The following FAM193A variants were observed in gnomAD, a reference collection of about 807,000 sequenced individuals.
The protein encoded by FAM193A is protein FAM193A.
In FAM193A, 22 loss-of-function variants were observed where a neutral mutation model predicts 126.5. The ratio of observed to expected loss-of-function variants is 0.17; its 90% CI spans 0.12 to 0.25. The LOEUF (loss-of-function observed/expected upper bound fraction) is 0.25, where lower values mean the gene tolerates loss of function less well. Ranked by LOEUF, FAM193A falls within the 10% of genes least tolerant of loss-of-function variation. The probability of loss-of-function intolerance (pLI) is 1.00; values close to 1 mark genes in which losing one functional copy is unlikely to be tolerated. For missense variants in FAM193A, 1,675 were observed against 1,672.8 expected, an observed-to-expected ratio of 1.00 and a Z score of -0.02; for synonymous variants, 761 against 646.8, an observed-to-expected ratio of 1.18 and a Z score of -2.68.
chr4:2,669,226 C>A (rs1256632480), intron 12 of FAM193A, among the ~76,000 whole-genome samples: 4 of 152,212 alleles, frequency 2.6e-5, no homozygotes, highest in Admixed American at 2.6e-4. Flanking sequence ...ATTTAAGTTA[C>A]CGTCTTGTTT....
At chr4:2,567,263 G>A (rs921008783) in intron 1 of FAM193A, among the ~76,000 whole-genome samples, 1 of 150,664 alleles carries the variant, frequency 6.6e-6, no homozygotes, top group South Asian at 2.1e-4. Flanking sequence ...CACCACGCCC[G>A]GCCTGACTAG....
At chr4:2,641,800 A>T (rs1294101394) in intron 6 of FAM193A, among the ~76,000 whole-genome samples, 1 of 152,030 alleles carries the variant, frequency 6.6e-6, no homozygotes, top group Non-Finnish European at 1.5e-5. Flanking sequence ...GGTAAAAGAG[A>T]ATTGAGGACA....
chr4:2,584,565 T>C (rs1740128301), intron 1 of FAM193A, among the ~76,000 whole-genome samples: 1 of 152,122 alleles, frequency 6.6e-6, no homozygotes. Flanking sequence ...AATAGAACAT[T>C]ACCAGGACTC....
At chr4:2,626,657 T>C in intron 4 of FAM193A, 80 bp downstream of exon 4, 1 of 646,056 alleles carries the variant, frequency 1.5e-6, no homozygotes, top group African/African-American at 1.8e-5. Flanking sequence ...CCTTTCAGGA[T>C]GGGCTTTCCT....
intron 3 of FAM193A, among the ~76,000 whole-genome samples, chr4:2,625,905 A>G (rs1380274376): frequency 2.0e-5 from 3 of 151,728 alleles, no homozygotes; most frequent in Non-Finnish European, 2.9e-5. Flanking sequence ...TGTATATTTT[A>G]TAGAGATGGG....
chr4:2,698,801 T>A (rs572216807), intron 18 of FAM193A, among the ~76,000 whole-genome samples: 4 of 152,346 alleles, frequency 2.6e-5, no homozygotes, highest in Admixed American at 2.6e-4. Context: ...AAATGCTGTC[T>A]TTACTTGGGA....
intron 5 of FAM193A, among the ~76,000 whole-genome samples, chr4:2,635,326 A>T (rs1743982020): frequency 6.6e-6 from 1 of 152,208 alleles, no homozygotes; most frequent in South Asian, 2.1e-4. Context: ...TATACTTAAA[A>T]ATTTAGGACC....
At chr4:2,607,339 T>C (rs71608215) in intron 2 of FAM193A, among the ~76,000 whole-genome samples, 4,856 of 152,318 alleles carry the variant, frequency 0.032, 92 homozygotes, top group South Asian at 0.078. Context: ...GTCCTTGCAT[T>C]GGTGTTTCAC....
intron 7 of FAM193A, among the ~76,000 whole-genome samples, chr4:2,651,984 C>T (rs921413529): frequency 1.3e-5 from 2 of 152,172 alleles, no homozygotes; most frequent in African/African-American, 4.8e-5. Context: ...ATGAGTTCCC[C>T]ATGATAGGGA....
chr4:2,547,089 A>T (rs1737608252), intron 1 of FAM193A, among the ~76,000 whole-genome samples: 1 of 152,082 alleles, frequency 6.6e-6, no homozygotes, highest in South Asian at 2.1e-4. Flanking sequence ...ACTGTTTTTT[A>T]AAAAACCCTT....
At position 2,631,170 on chromosome 4, in the gene FAM193A, G is replaced by A; in HGVS notation, c.1038+1G>A. On this transcript the variant is annotated splice_donor_variant, in intron 5 of 20. Transcript: ENST00000637812. LOFTEE classifies it high-confidence loss of function. ...CATCAGCACCTTCCTTGGCACTCTG[G>A]TAAGAGAGAAAACGTGTTTTTCTTT... 6.3e-7 allele frequency: 1 copy of A among 1,597,054 alleles called. No homozygotes were observed. Among genetic ancestry groups the A allele is most frequent in the Non-Finnish European group, 8.5e-7 (1 of 1,170,358 alleles).
At chr4:2,679,146 G>A (rs1417274098) in intron 13 of FAM193A, among the ~76,000 whole-genome samples, 1 of 152,096 alleles carries the variant, frequency 6.6e-6, no homozygotes, top group South Asian at 2.1e-4. Context: ...TTTGTCACAT[G>A]CTTTTTCTGC....
At chr4:2,719,955 A>G (rs58338325) in intron 20 of FAM193A, 13,253 of 307,644 alleles carry the variant, frequency 0.043, 562 homozygotes, top group African/African-American at 0.14. Context: ...ATGCCTGGCT[A>G]ATTTTTTTTT....
At chr4:2,723,097 C>T (rs1485086841) in intron 20 of FAM193A, among the ~76,000 whole-genome samples, 1 of 151,504 alleles carries the variant, frequency 6.6e-6, no homozygotes, top group Non-Finnish European at 1.5e-5. Context: ...CACGGTGAAA[C>T]CCCACCTCTA....
chr4:2,606,592 T>C (rs61790222), intron 2 of FAM193A, among the ~76,000 whole-genome samples: 149,220 of 152,328 alleles, frequency 0.98, 73,242 homozygotes, highest in Middle Eastern at 1. Context: ...TACACTGTTA[T>C]GTGAAAGTCC....
At chr4:2,700,907 G>C (rs1717649692) in intron 19 of FAM193A, among the ~76,000 whole-genome samples, 1 of 152,194 alleles carries the variant, frequency 6.6e-6, no homozygotes, top group Non-Finnish European at 1.5e-5. Context: ...AGAGATTGCA[G>C]TGAGCCAAGA....
At chr4:2,659,523 C>G (rs1372820535) in intron 8 of FAM193A, 35 bp from the exon 9 acceptor site, 1 of 1,439,596 alleles carries the variant, frequency 6.9e-7, no homozygotes, top group East Asian at 2.3e-5. Context: ...GGGGAAGGGT[C>G]TTGCAAGATT....
At chr4:2,661,738 T>C (rs557423525) in intron 10 of FAM193A, among the ~76,000 whole-genome samples, 1 of 152,310 alleles carries the variant, frequency 6.6e-6, no homozygotes, top group South Asian at 2.1e-4. Flanking sequence ...TTCTGGAGGT[T>C]GCTGTGTGCC....
chr4:2,567,912 C>T (rs949410955), intron 1 of FAM193A, among the ~76,000 whole-genome samples: 3 of 152,192 alleles, frequency 2.0e-5, no homozygotes, highest in African/African-American at 7.2e-5. Context: ...TTACCCTGTG[C>T]CTCTGCAGGG....
Sources: gnomAD v4.1 joint callset for allele counts (sites outside exome capture counted in the v4.1 genomes callset) on GRCh38, gnomAD v4.1.1 for gene constraint, MANE v1.5 for transcripts, NCBI Gene and HGNC (gene_info 2026-07-23, HGNC 2026-07-21) for gene names.